SH2D6: variants seen among roughly 807,000 people sequenced by gnomAD.
The protein encoded by SH2D6 is SH2 domain containing 6.
A neutral mutation model predicts 30.2 loss-of-function variants in SH2D6; 31 were observed. The observed-to-expected ratio is 1.03, with a 90% CI of 0.77 to 1.38. The LOEUF is 1.38. SH2D6 is among the 40% of genes most tolerant of loss of function. The probability of loss-of-function intolerance (pLI) is 0.00; values close to 1 mark genes in which losing one functional copy is unlikely to be tolerated. For missense variants in SH2D6, 240 were observed against 266.8 expected, an observed-to-expected ratio of 0.90 and a Z score of 0.70; for synonymous variants, 93 against 104.6, an observed-to-expected ratio of 0.89 and a Z score of 0.68.
intron 2 of SH2D6, among the ~76,000 whole-genome samples, chr2:85,421,228 G>A (rs1687738679): frequency 6.6e-6 from 1 of 152,234 alleles, no homozygotes; most frequent in Admixed American, 6.5e-5. Flanking sequence ...AAGGCAAATT[G>A]AGGAAAGGAC....
intron 6 of SH2D6, among the ~76,000 whole-genome samples, chr2:85,426,881 G>A (rs1490157466): frequency 6.6e-6 from 1 of 152,192 alleles, no homozygotes; most frequent in African/African-American, 2.4e-5. Context: ...GGCGTCTTGG[G>A]GACTGAGCCC....
In SH2D6 at chr2:85,435,793, C is replaced by T. The variant is rs1038003915; in HGVS notation, c.860C>T (p.Ala287Val). 4 of 1,601,770 alleles carry T rather than the reference C, an allele frequency of 2.5e-6. No homozygotes were observed. In the African/African-American group the frequency reaches 4.0e-5, roughly 16 times the overall value. The change falls in exon 22 of 24, where the codon GCC (alanine) becomes GTC (valine). Residue 287 changes from alanine to valine, a missense_variant. Physicochemically the swap from Ala to Val is moderately conservative, Grantham distance 64. Coordinates refer to ENST00000469800, the MANE Select transcript of SH2D6 (RefSeq NM_001394463.1). ...CGGCTGGATGGCGGACGCCACTATG[C>T]CCTGGGCCGGGAGGGCAGGAACCGT... ...IRRLDGGRHY[A>V]LGREGRNREE...
Position 85,434,460 on chromosome 2 carries a change from T to A in SH2D6, c.565-13T>A, listed in dbSNP as rs1689154973. 6 of 1,550,336 alleles carry A rather than the reference T, an allele frequency of 3.9e-6. No homozygotes were observed. In the East Asian group the frequency reaches 1.5e-4, roughly 38 times the overall value. On this transcript the variant is annotated splice_polypyrimidine_tract_variant and intron_variant, in intron 18 of 23. Coordinates refer to ENST00000469800, the MANE Select transcript of SH2D6 (RefSeq NM_001394463.1). ...GGGCCCGGCCTCTTCTGATCAGACC[T>A]CCTGTATGCCAGGGAACAGCAGATG...
intron 23 of SH2D6, 120 bp from the exon 24 acceptor site, chr2:85,436,717 G>A: frequency 1.3e-6 from 1 of 749,328 alleles, no homozygotes; most frequent in East Asian, 2.6e-5. Context: ...GCATTAATGG[G>A]GAAAGCCTGC....
At position 85,435,105 on chromosome 2, in the gene SH2D6, G is replaced by C. The variant is rs1689277013; in HGVS notation, c.630G>C (p.Gly210=). 1.9e-6 allele frequency: 3 copies of C among 1,571,470 alleles called. No individual in the cohort carries two copies. Among genetic ancestry groups the C allele is most frequent in the Non-Finnish European group, 2.6e-6 (3 of 1,154,000 alleles). ...KSSLPSVAPT[G]SASAAEDSDL... Reference sequence around the variant, plus strand: ...CTCTTCCCTCTGTAGCCCCCACTGGGAGTGCCTCAGCTGCTGAGGTGAGGA... The same window carrying C: ...CTCTTCCCTCTGTAGCCCCCACTGGCAGTGCCTCAGCTGCTGAGGTGAGGA... Residue 210 remains glycine (G), a synonymous_variant, in exon 20 of 24, where the codon GGG becomes GGC. Transcript: ENST00000469800.
intron 12 of SH2D6, 77 bp from the exon 13 acceptor site, chr2:85,431,133 T>TG (rs1688578628): frequency 3.4e-5 from 5 of 146,014 alleles, no homozygotes; most frequent in African/African-American, 2.6e-5. Flanking sequence ...TGGAGGCTGG[T>TG]CGGGGGGAGG....
At chr2:85,420,273 C>A (rs1460098241) in intron 2 of SH2D6, among the ~76,000 whole-genome samples, 1 of 152,138 alleles carries the variant, frequency 6.6e-6, no homozygotes, top group African/African-American at 2.4e-5. Flanking sequence ...GCGCACACTA[C>A]CACGCCTGGC....
intron 21 of SH2D6, 30 bp downstream of exon 21, chr2:85,435,526 C>T (rs369874570): frequency 3.6e-5 from 58 of 1,609,336 alleles, no homozygotes; most frequent in African/African-American, 6.7e-5. Context: ...GGGTCTTCTC[C>T]AAAACCCCTT....
At chr2:85,426,085 G>A (rs528824471) in intron 6 of SH2D6, among the ~76,000 whole-genome samples, 6 of 152,232 alleles carry the variant, frequency 3.9e-5, no homozygotes, top group African/African-American at 9.6e-5. Flanking sequence ...CCACATCTCC[G>A]CGGCTCTTCC....
At chr2:85,427,540 G>A (rs1429434934) in intron 6 of SH2D6, among the ~76,000 whole-genome samples, 2 of 152,230 alleles carry the variant, frequency 1.3e-5, no homozygotes, top group South Asian at 2.1e-4. Flanking sequence ...GAGCAGAGCA[G>A]GGAGGTGGCT....
chr2:85,424,091 C>T (rs1687864299), intron 5 of SH2D6, among the ~76,000 whole-genome samples: 2 of 152,238 alleles, frequency 1.3e-5, no homozygotes, highest in African/African-American at 4.8e-5. Flanking sequence ...CCCCCTATTT[C>T]CTCAGGGACA....
chr2:85,420,409 C>A (rs1277197720), intron 2 of SH2D6, among the ~76,000 whole-genome samples: 1 of 152,340 alleles, frequency 6.6e-6, no homozygotes, highest in Non-Finnish European at 1.5e-5. Context: ...CATGAGCCAC[C>A]GTGCCCGGAC....
chr2:85,435,648 C>A lies in SH2D6; in HGVS notation c.733-18C>A. On this transcript the variant is annotated intron_variant, in intron 21 of 23. Transcript: ENST00000469800. Reference sequence around the variant, plus strand: ...GGCCATTGGAAGATGAGGTTGATGGCTGGGGTCTCCTCCACAGGATGGGGC... The same window carrying A: ...GGCCATTGGAAGATGAGGTTGATGGATGGGGTCTCCTCCACAGGATGGGGC... 1 of 1,586,916 alleles carries A rather than the reference C, an allele frequency of 6.3e-7. No individual in the cohort carries two copies. Among genetic ancestry groups the A allele is most frequent in the Non-Finnish European group, 8.6e-7 (1 of 1,165,248 alleles).
intron 23 of SH2D6, 45 bp downstream of exon 23, chr2:85,436,639 C>A: frequency 7.0e-7 from 1 of 1,421,300 alleles, no homozygotes; most frequent in Non-Finnish European, 9.9e-7. Flanking sequence ...TCCCGCCCCA[C>A]CTTGGGCTGT....
At chr2:85,433,215 C>A in intron 15 of SH2D6, 94 bp downstream of exon 15, 1 of 872,980 alleles carries the variant, frequency 1.1e-6, no homozygotes, top group Middle Eastern at 5.9e-4. Context: ...CAGGAAATAT[C>A]CCTGAAACCA....
intron 6 of SH2D6, among the ~76,000 whole-genome samples, chr2:85,425,937 GAGGCTGGGA>G (rs1205150303): frequency 1.3e-5 from 2 of 152,332 alleles, no homozygotes; most frequent in East Asian, 3.9e-4. Flanking sequence ...GCGGCAAGGG[GAGGCTGGGA>G]AGGCCTCACC....
At chr2:85,423,214 T>TTTTTG (rs1169709330) in intron 5 of SH2D6, among the ~76,000 whole-genome samples, 9 of 149,896 alleles carry the variant, frequency 6.0e-5, no homozygotes, top group East Asian at 2.0e-4. Context: ...GTTGTTGTTG[T>TTTTTG]TTTTGTTTTG....
chr2:85,427,886 CCTCTCCA>C (rs1169151247), intron 6 of SH2D6, among the ~76,000 whole-genome samples: 2 of 152,252 alleles, frequency 1.3e-5, no homozygotes, highest in East Asian at 3.9e-4. Context: ...TTCTGGTCTT[CCTCTCCA>C]TCCCTGGGTG....
chr2:85,425,842 A>C (rs568951491), intron 6 of SH2D6, among the ~76,000 whole-genome samples: 1 of 151,802 alleles, frequency 6.6e-6, no homozygotes, highest in African/African-American at 2.4e-5. Flanking sequence ...GGCTGTCACC[A>C]CCCTCCCAGG....
Sources: allele counts gnomAD v4.1 joint callset (sites outside exome capture counted in the v4.1 genomes callset), GRCh38; gene constraint gnomAD v4.1.1; transcripts MANE v1.5; gene names NCBI Gene and HGNC (gene_info 2026-07-23, HGNC 2026-07-21).